FAM210B: variants seen among roughly 807,000 people sequenced by gnomAD.
FAM210B encodes the protein mitochondrial inner membrane scaffold 2.
A neutral mutation model predicts 14.9 loss-of-function variants in FAM210B; 11 were observed. The ratio of observed to expected loss-of-function variants is 0.74; its 90% CI spans 0.46 to 1.22. The LOEUF (loss-of-function observed/expected upper bound fraction) is 1.22, where lower values mean the gene tolerates loss of function less well. Among genes scored for constraint, FAM210B ranks in the 50% most tolerant of loss-of-function variants. FAM210B has a pLI of 0.00. For synonymous variants in FAM210B, 113 were observed against 110.2 expected, an observed-to-expected ratio of 1.03 and a Z score of -0.16; for missense variants, 229 against 250.1, an observed-to-expected ratio of 0.92 and a Z score of 0.57.
chr20:56,359,111 C>T lies in FAM210B; in HGVS notation c.106C>T (p.Pro36Ser). ...CGCCACCGCCCCCTGCGCCCCGCCG[C>T]CCCTGGCCCTGGCCCTGCTCCCGCC... ...LGATAPCAPP[P>S]LALALLPPRL... Residue 36 changes from proline (P) to serine (S), a missense_variant, in exon 1 of 3, where the codon CCC becomes TCC. Physicochemically the swap from Pro to Ser is moderately conservative, Grantham distance 74 (BLOSUM62 -1). Transcript: ENST00000371384. The surrounding 1 kb of genome is among the most constrained non-coding windows in gnomAD (Gnocchi z 4.3). The T allele has an allele frequency of 1.5e-6, 2 of 1,331,264 alleles. No individual in the cohort carries two copies. Among genetic ancestry groups the T allele is most frequent in the South Asian group, 1.9e-5 (1 of 52,312 alleles). 82.5% of individuals were successfully genotyped at this position (1,331,264 alleles called of 1,614,324 possible).
rs1201387224 is a variant in FAM210B at position 56,366,221 on chromosome 20, T to C, written c.513T>C (p.Ser171=). ...TGAGAATCAGCATTACGCTAGTCTC[T>C]GTGCCCTTGATTGTCAGATATTTTC... is the stretch of plus-strand genomic sequence containing the variant. The part of the protein sequence containing the change: ...APVRISITLV[S]VPLIVRYFRK... The change falls in exon 3 of 3, where the codon TCT becomes TCC. Residue 171 remains serine, a synonymous_variant. Coordinates refer to ENST00000371384, the MANE Select transcript of FAM210B (RefSeq NM_080821.3). 2 of 1,614,102 alleles carry C rather than the reference T, an allele frequency of 1.2e-6. No individual in the cohort carries two copies. Among genetic ancestry groups the C allele is most frequent in the African/African-American group, 2.7e-5 (2 of 74,928 alleles).
rs972635464 is a variant in FAM210B, at chr20:56,362,908, C to T, written c.187-2179C>T. Among the ~76,000 whole-genome samples the T allele has an allele frequency of 2.6e-5, 4 of 152,220 alleles. No individual in the cohort carries two copies. Among genetic ancestry groups the T allele is most frequent in the Admixed American group, 2.0e-4 (3 of 15,282 alleles). On this transcript the variant is annotated intron_variant, in intron 1 of 2. Coordinates refer to ENST00000371384, the MANE Select transcript of FAM210B (RefSeq NM_080821.3). The surrounding 1 kb of genome is among the most constrained non-coding windows in gnomAD (Gnocchi z 4.8). ...TCAAGGGCATGGGTGTTTGGCCCTGCGAGGGGCTGTAGGTGGCCTCCTATC... is the reference window on the plus strand; with the variant it reads ...TCAAGGGCATGGGTGTTTGGCCCTGTGAGGGGCTGTAGGTGGCCTCCTATC...
chr20:56,362,149 A>T lies in FAM210B; in HGVS notation c.187-2938A>T, dbSNP rs2146107674. ...CAGAACAGTGCCTAGTACAGAATAT[A>T]CACAATATAGTGTTTATTATTAATA... On this transcript the variant is annotated intron_variant, in intron 1 of 2. Transcript: ENST00000371384. This position sits in a 1 kb window ranked among gnomAD's most constrained non-coding sequence, Gnocchi z 4.8. 6.6e-6 allele frequency among the ~76,000 whole-genome samples: 1 copy of T among 152,324 alleles called. No homozygotes were observed. The highest frequency in any genetic ancestry group is 6.5e-5 in the Admixed American group (1 of 15,294).
In FAM210B at chr20:56,366,206, C is replaced by T. The variant is rs1302226055; in HGVS notation, c.498C>T (p.Ser166=). 1.2e-6 allele frequency: 2 copies of T among 1,614,178 alleles called. No homozygotes were observed. The highest frequency in any genetic ancestry group is 1.7e-6 in the Non-Finnish European group (2 of 1,180,040). Residue 166 remains serine (S), a synonymous_variant, in exon 3 of 3, where the codon AGC becomes AGT. Transcript: ENST00000371384. Reference sequence around the variant, plus strand: ...AGCTGTTTGCGCCAGTGAGAATCAGCATTACGCTAGTCTCTGTGCCCTTGA... The same window carrying T: ...AGCTGTTTGCGCCAGTGAGAATCAGTATTACGCTAGTCTCTGTGCCCTTGA... ...IHKLFAPVRI[S]ITLVSVPLIV...
rs150334485 is a variant in FAM210B, at chr20:56,362,565, C to T, written c.187-2522C>T. ...TCCCCAAAGGTTAGGAAGAAAAATG[C>T]GTGGCTCACAGTGCTTATAGATGGG... On this transcript the variant is annotated intron_variant, in intron 1 of 2. Coordinates refer to ENST00000371384, the MANE Select transcript of FAM210B (RefSeq NM_080821.3). This position sits in a 1 kb window ranked among gnomAD's most constrained non-coding sequence, Gnocchi z 4.8. 1.1e-4 allele frequency among the ~76,000 whole-genome samples: 17 copies of T among 152,264 alleles called. 1 individual carries two copies. The highest frequency in any genetic ancestry group is 1.0e-3 in the Admixed American group (16 of 15,294).
chr20:56,364,583 T>G (rs1183479546), intron 1 of FAM210B, among the ~76,000 whole-genome samples: 1 of 152,224 alleles, frequency 6.6e-6, no homozygotes, highest in Non-Finnish European at 1.5e-5. Flanking sequence ...TTGGGACATC[T>G]TTGGAGTCAT....
In FAM210B at chr20:56,363,442, C is replaced by T. The variant is rs1569022733; in HGVS notation, c.187-1645C>T. 2.0e-5 allele frequency among the ~76,000 whole-genome samples: 3 copies of T among 152,162 alleles called. No homozygotes were observed. Among genetic ancestry groups the T allele is most frequent in the South Asian group, 2.1e-4 (1 of 4,832 alleles). On this transcript the variant is annotated intron_variant, in intron 1 of 2. Coordinates refer to ENST00000371384, the MANE Select transcript of FAM210B (RefSeq NM_080821.3). This position sits in a 1 kb window ranked among gnomAD's most constrained non-coding sequence, Gnocchi z 4.1. ...CTGTCATCGGGACACTGAGGGTTTTCCTCAAATGTTCTAAAAAATCTTATG... is the reference window on the plus strand; with the variant it reads ...CTGTCATCGGGACACTGAGGGTTTTTCTCAAATGTTCTAAAAAATCTTATG...
intron 1 of FAM210B, among the ~76,000 whole-genome samples, chr20:56,364,401 CT>C (rs1219958017): frequency 6.6e-6 from 1 of 152,222 alleles, no homozygotes; most frequent in Admixed American, 6.5e-5. Context: ...TCACAACCCC[CT>C]CCCCGACACT....
intron 1 of FAM210B, among the ~76,000 whole-genome samples, chr20:56,364,382 C>T (rs1209716288): frequency 6.6e-6 from 1 of 152,212 alleles, no homozygotes; most frequent in Non-Finnish European, 1.5e-5. Context: ...TCTCACTCTG[C>T]TTCTGTCCTC....
In FAM210B at chr20:56,359,744, A is replaced by C. The variant is rs983382787; in HGVS notation, c.186+553A>C. ...GAGCAGTCATACCAGCTTTCCTTTC[A>C]AGAAATCTATCACTTTCTTCCAAGT... On this transcript the variant is annotated intron_variant, in intron 1 of 2. Transcript: ENST00000371384. This position sits in a 1 kb window ranked among gnomAD's most constrained non-coding sequence, Gnocchi z 4.3. 1.3e-5 allele frequency among the ~76,000 whole-genome samples: 2 copies of C among 152,236 alleles called. No individual in the cohort carries two copies. The highest frequency in any genetic ancestry group is 2.1e-4 in the South Asian group (1 of 4,838).
chr20:56,367,021 C>A lies in FAM210B; in HGVS notation c.*734C>A, dbSNP rs117208353. 2,438 of 152,570 alleles carry A rather than the reference C, an allele frequency of 0.016. 41 individuals are homozygous for A. The highest frequency in any genetic ancestry group is 0.021 in the Non-Finnish European group (1,407 of 68,020). The allele number at this position is 152,570 out of a possible 1,614,324, so 9.5% of individuals were successfully genotyped here. On this transcript the variant is annotated 3_prime_UTR_variant, in exon 3 of 3. Transcript: ENST00000371384. ...GTGGCATCGCTTGGTTCCTGATGCC[C>A]ATGTTCCAGAGGAATTCGGATACCA...
rs563662387 is a variant in FAM210B, at chr20:56,363,607, T to C, written c.187-1480T>C. On this transcript the variant is annotated intron_variant, in intron 1 of 2. Transcript: ENST00000371384. This position sits in a 1 kb window ranked among gnomAD's most constrained non-coding sequence, Gnocchi z 4.1. ...GTCTTTTGATTAAAGTGCTCTGTTA[T>C]TGAGAAGTGGTTTTTTTCCCTCCCC... is the stretch of plus-strand genomic sequence containing the variant. Among the ~76,000 whole-genome samples the C allele has an allele frequency of 6.6e-6, 1 of 152,168 alleles. No homozygotes were observed. Among genetic ancestry groups the C allele is most frequent in the South Asian group, 2.1e-4 (1 of 4,822 alleles).
Position 56,366,557 on chromosome 20 carries a change from A to G in FAM210B, c.*270A>G, listed in dbSNP as rs1983640255. The stretch of plus-strand genomic sequence containing the variant: ...ATCGGAGATGGGTTAACATCTCAAA[A>G]CAAAATAGCCTACAAATGTTCCTTG... On this transcript the variant is annotated 3_prime_UTR_variant, in exon 3 of 3. Transcript: ENST00000371384. 2.8e-6 allele frequency: 1 copy of G among 360,346 alleles called. No homozygotes were observed. The highest frequency in any genetic ancestry group is 4.5e-5 in the Admixed American group (1 of 22,052). The allele number at this position is 360,346 out of a possible 1,614,324, so 22.3% of individuals were successfully genotyped here. A position where few individuals can be genotyped will look rare whatever the true frequency, so the allele number is the denominator to read the frequency against.
chr20:56,363,385 G>A lies in FAM210B; in HGVS notation c.187-1702G>A, dbSNP rs1175654455. Reference sequence around the variant, plus strand: ...ATTTATGAAATGACGCCTTTGAAGTGGAAGCTCAACTCCTGGCTCAGCAGA... The same window carrying A: ...ATTTATGAAATGACGCCTTTGAAGTAGAAGCTCAACTCCTGGCTCAGCAGA... On this transcript the variant is annotated intron_variant, in intron 1 of 2. Transcript: ENST00000371384. The surrounding 1 kb of genome is among the most constrained non-coding windows in gnomAD (Gnocchi z 4.1). 2.6e-5 allele frequency among the ~76,000 whole-genome samples: 4 copies of A among 152,176 alleles called. No individual in the cohort carries two copies. Among genetic ancestry groups the A allele is most frequent in the African/African-American group, 9.7e-5 (4 of 41,434 alleles).
rs775322634 is a variant in FAM210B, at chr20:56,365,144, A to G, written c.244A>G (p.Lys82Glu). 6 of 1,613,982 alleles carry G rather than the reference A, an allele frequency of 3.7e-6. No individual in the cohort carries two copies. In the African/African-American group the frequency reaches 6.7e-5, roughly 18 times the overall value. The change falls in exon 2 of 3, where the codon AAG becomes GAG. Residue 82 changes from lysine to glutamate, a missense_variant. By Grantham distance (56) the Lys-to-Glu change is moderately conservative. Around this residue, in one of 3 missense-constraint regions of FAM210B, gnomAD observed 144 missense variants for 132.5 expected, o/e 1.09. Transcript: ENST00000371384. Reference protein sequence around the residue: ...GSSVSCTEEKKQSKSQQLKKI... With the variant: ...GSSVSCTEEKEQSKSQQLKKI... The stretch of plus-strand genomic sequence containing the variant: ...CAGCGTCAGCTGCACAGAGGAGAAA[A>G]AGCAAAGCAAGTCACAGCAACTGAA...
chr20:56,365,024 A>G (rs2146109046), intron 1 of FAM210B, 63 bp from the exon 2 acceptor site: 3 of 1,509,280 alleles, frequency 2.0e-6, no homozygotes, highest in African/African-American at 1.4e-5. Context: ...TGCGTGTATA[A>G]AAGCCGGTAA....
At position 56,363,556 on chromosome 20, in the gene FAM210B, CA is replaced by C. The variant is rs1983574143; in HGVS notation, c.187-1529del. Among the ~76,000 whole-genome samples, 1 of 152,254 alleles carries C rather than the reference CA, an allele frequency of 6.6e-6. No individual in the cohort carries two copies. The highest frequency in any genetic ancestry group is 1.5e-5 in the Non-Finnish European group (1 of 68,044). ...GCCAGGTGCGCATCACCTGCCGGGA[CA>C]AGCCCCAGGACTGTCCTTAGAGAAG... On this transcript the variant is annotated intron_variant, in intron 1 of 2. Coordinates refer to ENST00000371384, the MANE Select transcript of FAM210B (RefSeq NM_080821.3). The surrounding 1 kb of genome is among the most constrained non-coding windows in gnomAD (Gnocchi z 4.1).
rs574692523 is a variant in FAM210B, at chr20:56,364,810, TG to T, written c.187-274del. Among the ~76,000 whole-genome samples, 674 of 152,218 alleles carry T rather than the reference TG, an allele frequency of 4.4e-3. 6 individuals carry two copies. Among genetic ancestry groups the T allele is most frequent in the African/African-American group, 0.016 (657 of 41,544 alleles). On this transcript the variant is annotated intron_variant, in intron 1 of 2. Transcript: ENST00000371384. Reference sequence around the variant, plus strand: ...TCTACTAAAAATACAAAAAATTAGCTGGGTGTGGTGGCACACACCTGTAATC... The same window carrying T: ...TCTACTAAAAATACAAAAAATTAGCTGGTGTGGTGGCACACACCTGTAATC...
rs1443399554 is a variant in FAM210B at position 56,362,760 on chromosome 20, G to C, written c.187-2327G>C. 6.6e-6 allele frequency among the ~76,000 whole-genome samples: 1 copy of C among 152,168 alleles called. No individual in the cohort carries two copies. The highest frequency in any genetic ancestry group is 1.9e-4 in the East Asian group (1 of 5,194). On this transcript the variant is annotated intron_variant, in intron 1 of 2. Transcript: ENST00000371384. This position sits in a 1 kb window ranked among gnomAD's most constrained non-coding sequence, Gnocchi z 4.8. ...GCTCAGTTCTATAGCTGGAATCCTG[G>C]CTGCCTTTTTATTTTTATTTTTTGG...
Sources: gnomAD v4.1 joint callset for allele counts (sites outside exome capture counted in the v4.1 genomes callset) on GRCh38, gnomAD v4.1.1 for gene constraint, gnomAD v4.1.1 regional missense constraint, Gnocchi (gnomAD v3.1) non-coding constraint, MANE v1.5 for transcripts, NCBI Gene and HGNC (gene_info 2026-07-23, HGNC 2026-07-21) for gene names.